The following ANXA4 variants were observed in gnomAD, a reference collection of about 807,000 sequenced individuals.
ANXA4 encodes 35-beta calcimedin.
Under a neutral mutation model 49.8 loss-of-function variants are expected in ANXA4, and 39 were observed. The ratio of observed to expected loss-of-function variants is 0.78; its 90% CI spans 0.61 to 1.02. ANXA4 has a LOEUF of 1.02. ANXA4 is among the 50% of genes least tolerant of loss of function. The probability of loss-of-function intolerance (pLI) is 0.00; values close to 1 mark genes in which losing one functional copy is unlikely to be tolerated. For missense variants in ANXA4, 360 were observed against 410.1 expected (o/e 0.88, Z 1.05); for synonymous variants, 134 against 152.5 (o/e 0.88, Z 0.89).
intron 1 of ANXA4, among the ~76,000 whole-genome samples, chr2:69,750,714 T>C (rs1001204375): frequency 5.3e-4 from 81 of 152,236 alleles, no homozygotes; most frequent in Non-Finnish European, 6.9e-4. Context: ...GTGCCTGACC[T>C]AGCTCTGTTT....
chr2:69,802,543 T>G (rs1217511626), intron 3 of ANXA4, among the ~76,000 whole-genome samples: 2 of 152,012 alleles, frequency 1.3e-5, no homozygotes, highest in Admixed American at 6.5e-5. Context: ...AAACCCCGTC[T>G]CTACTAAAAA....
intron 2 of ANXA4, among the ~76,000 whole-genome samples, chr2:69,709,981 C>CTTTT (rs974347199): frequency 1.1e-3 from 104 of 96,988 alleles, no homozygotes; most frequent in Middle Eastern, 9.6e-3. Context: ...CACTTCCAGG[C>CTTTT]TTTTTTTTTT....
intron 1 of ANXA4, among the ~76,000 whole-genome samples, chr2:69,780,937 C>A (rs2103660918): frequency 6.6e-6 from 1 of 152,184 alleles, no homozygotes; most frequent in East Asian, 1.9e-4. Flanking sequence ...GTGCTGAAAA[C>A]CGAGGACAAA....
chr2:69,805,677 T>C (rs1295459724), intron 4 of ANXA4, among the ~76,000 whole-genome samples: 1 of 152,158 alleles, frequency 6.6e-6, no homozygotes, highest in African/African-American at 2.4e-5. Flanking sequence ...AGGTTATCAG[T>C]GAATATTGAC....
At chr2:69,715,748 G>A (rs1678860517) in intron 2 of ANXA4, among the ~76,000 whole-genome samples, 1 of 152,212 alleles carries the variant, frequency 6.6e-6, no homozygotes, top group Non-Finnish European at 1.5e-5. Context: ...GTCCCCTTCT[G>A]TGCCTATGCA....
At chr2:69,777,108 G>A (rs989859556) in intron 1 of ANXA4, among the ~76,000 whole-genome samples, 6 of 152,306 alleles carry the variant, frequency 3.9e-5, no homozygotes, top group South Asian at 4.1e-4. Flanking sequence ...GGTGGGGCAC[G>A]TGGGGAGGGG....
At chr2:69,644,001 C>T (rs1224476571), upstream of ANXA4, 1 of 576,514 alleles carries the variant, frequency 1.7e-6, no homozygotes, top group African/African-American at 2.0e-5. Context: ...GGTAGCTCGG[C>T]ACAGTCCGGC....
intron 1 of ANXA4, among the ~76,000 whole-genome samples, chr2:69,649,680 C>T (rs1471593931): frequency 6.9e-6 from 1 of 144,602 alleles, no homozygotes; most frequent in African/African-American, 2.6e-5. Context: ...GGCACAACCT[C>T]AGCTCACTGC....
At chr2:69,816,411 T>TA (rs1418759433) in intron 9 of ANXA4, 3 of 447,770 alleles carry the variant, frequency 6.7e-6, no homozygotes, top group Non-Finnish European at 1.2e-5. Flanking sequence ...AAAGTGCATG[T>TA]AGTCATAGAA....
rs574319766 is a variant in ANXA4, at chr2:69,805,478, C to T, written c.192+851C>T. Among the ~76,000 whole-genome samples, 766 of 152,028 alleles carry T rather than the reference C, an allele frequency of 5.0e-3. 9 individuals are homozygous for T. The highest frequency in any genetic ancestry group is 0.018 in the African/African-American group (737 of 41,446). On this transcript the variant is annotated intron_variant, in intron 4 of 12. Transcript: ENST00000394295. Reference sequence around the variant, plus strand: ...AAAATTAGCTGGGCATGGTGGTGGGCACCTGTAATCCCAGCTACTTGGGAG... The same window carrying T: ...AAAATTAGCTGGGCATGGTGGTGGGTACCTGTAATCCCAGCTACTTGGGAG...
chr2:69,807,435 G>GTTCTACTTAAAAATTTTCTACTTAAA (rs1206439262), intron 5 of ANXA4, among the ~76,000 whole-genome samples: 1 of 152,084 alleles, frequency 6.6e-6, no homozygotes. Context: ...CCCACCTTAG[G>GTTCTACTTAAAAATTTTCTACTTAAA]ATGGTTCTAC....
At chr2:69,684,557 G>A (rs1001711645) in intron 2 of ANXA4, among the ~76,000 whole-genome samples, 1 of 151,488 alleles carries the variant, frequency 6.6e-6, no homozygotes, top group African/African-American at 2.4e-5. Flanking sequence ...GTGGGGTGGT[G>A]TGCACCTGTA....
Position 69,729,978 on chromosome 2 carries a change from T to C in ANXA4, n.864+9107T>C, listed in dbSNP as rs558845238. ...CTGCAAAGAGATTTGGAGCTGCCTC[T>C]TCCTGAGATATTCCAGGGTAACAGA... On this transcript the variant is annotated intron_variant and non_coding_transcript_variant, in intron 3 of 3. Coordinates refer to the ANXA4 transcript ENST00000418066. Among the ~76,000 whole-genome samples, 5 of 152,344 alleles carry C rather than the reference T, an allele frequency of 3.3e-5. No individual in the cohort carries two copies. In the East Asian group the frequency reaches 9.6e-4, roughly 29 times the overall value.
intron 9 of ANXA4, 92 bp from the exon 10 acceptor site, chr2:69,818,507 G>C: frequency 1.3e-6 from 1 of 768,052 alleles, no homozygotes; most frequent in South Asian, 1.9e-5. Flanking sequence ...AGAATAAATA[G>C]TGTAGGCTAG....
At chr2:69,756,849 C>T (rs1223281213) in intron 1 of ANXA4, among the ~76,000 whole-genome samples, 1 of 151,474 alleles carries the variant, frequency 6.6e-6, no homozygotes, top group Non-Finnish European at 1.5e-5. Flanking sequence ...AAAAAATACA[C>T]ACCAATAATT....
intron 1 of ANXA4, among the ~76,000 whole-genome samples, chr2:69,765,746 G>A (rs939154136): frequency 3.3e-5 from 5 of 152,088 alleles, no homozygotes; most frequent in Non-Finnish European, 5.9e-5. Context: ...AAAATAAACC[G>A]CAGTGTGACT....
At chr2:69,700,903 C>G (rs953517907) in intron 2 of ANXA4, among the ~76,000 whole-genome samples, 3 of 152,034 alleles carry the variant, frequency 2.0e-5, no homozygotes, top group Non-Finnish European at 2.9e-5. Context: ...GACAGAGTCC[C>G]ACTCTGTCAC....
chr2:69,820,199 T>C (rs1001446981), intron 11 of ANXA4, among the ~76,000 whole-genome samples: 3 of 151,498 alleles, frequency 2.0e-5, no homozygotes, highest in African/African-American at 7.3e-5. Context: ...AAGACAGTAG[T>C]TGAGGATCCA....
chr2:69,710,675 G>T (rs1678647903), intron 2 of ANXA4, among the ~76,000 whole-genome samples: 1 of 152,120 alleles, frequency 6.6e-6, no homozygotes, highest in Non-Finnish European at 1.5e-5. Context: ...TACCAAAGAA[G>T]ATCTACTTAA....
Sources: allele counts gnomAD v4.1 joint callset (sites outside exome capture counted in the v4.1 genomes callset), GRCh38; gene constraint gnomAD v4.1.1; transcripts MANE v1.5; gene names NCBI Gene and HGNC (gene_info 2026-07-23, HGNC 2026-07-21).